Variants in BRINP1 observed in about 807,000 individuals in gnomAD.
The protein encoded by BRINP1 is BMP/retinoic acid-inducible neural-specific protein 1.
In BRINP1, 17 loss-of-function variants were observed where a neutral mutation model predicts 72.9. The ratio of observed to expected loss-of-function variants is 0.23; its 90% CI spans 0.16 to 0.35. The LOEUF is 0.35. Ranked by LOEUF, BRINP1 falls within the 10% of genes least tolerant of loss-of-function variation. The pLI, the probability that BRINP1 is intolerant of heterozygous loss-of-function variation, is 1.00. For synonymous variants in BRINP1, 418 were observed against 378.5 expected (o/e 1.10, Z -1.21); for missense variants, 850 against 1,001.6 (o/e 0.85, Z 2.04).
At chr9:119,314,227 G>T (rs899652229) in intron 1 of BRINP1, among the ~76,000 whole-genome samples, 1 of 152,264 alleles carries the variant, frequency 6.6e-6, no homozygotes, top group South Asian at 2.1e-4. Flanking sequence ...TTTATTAGGG[G>T]GTCTTATGGC....
At chr9:119,198,429 T>C (rs972976968) in intron 7 of BRINP1, among the ~76,000 whole-genome samples, 6 of 152,230 alleles carry the variant, frequency 3.9e-5, no homozygotes, top group East Asian at 3.8e-4. Flanking sequence ...CTTAATACTA[T>C]GCCAAGTACT....
intron 1 of BRINP1, among the ~76,000 whole-genome samples, chr9:119,359,344 T>C (rs963907186): frequency 6.6e-6 from 1 of 152,146 alleles, no homozygotes; most frequent in African/African-American, 2.4e-5. Flanking sequence ...TACAGGCATA[T>C]GCCACCACAT....
intron 1 of BRINP1, 70 bp from the exon 2 acceptor site, chr9:119,313,475 G>A: frequency 6.7e-6 from 9 of 1,335,830 alleles, no homozygotes; most frequent in South Asian, 1.6e-5. Flanking sequence ...GAGGGGAAGA[G>A]GAGTAAAAGA....
chr9:119,230,753 T>C (rs1306869516), intron 5 of BRINP1, among the ~76,000 whole-genome samples: 1 of 151,800 alleles, frequency 6.6e-6, no homozygotes, highest in East Asian at 1.9e-4. Context: ...AGATAAATGA[T>C]TTAAGACCAA....
intron 2 of BRINP1, among the ~76,000 whole-genome samples, chr9:119,302,829 A>C (rs933791206): frequency 6.6e-6 from 1 of 151,458 alleles, no homozygotes; most frequent in Admixed American, 6.6e-5. Context: ...CTATTACTCC[A>C]TTTTATATTT....
rs754374991 is a variant in BRINP1, at chr9:119,167,613, C to G, written c.1757G>C (p.Arg586Pro). 1 of 1,614,136 alleles carries G rather than the reference C, an allele frequency of 6.2e-7. No homozygotes were observed. The highest frequency in any genetic ancestry group is 1.1e-5 in the South Asian group (1 of 91,084). The change falls in exon 8 of 8, where the codon CGC (arginine) becomes CCC (proline). Residue 586 changes from arginine to proline, a missense_variant. Transcript: ENST00000265922. The surrounding 1 kb of genome is among the most constrained non-coding windows in gnomAD (Gnocchi z 4.3). ...GTTTTGGAGACGGATCTTCTCCCAGCGTGGGTAGCCAAATTCCCCGAAGGG... is the reference window on the plus strand; with the variant it reads ...GTTTTGGAGACGGATCTTCTCCCAGGGTGGGTAGCCAAATTCCCCGAAGGG... ...NMPFGEFGYP[R>P]WEKIRLQNSQ...
chr9:119,312,727 C>T (rs1222365842), intron 2 of BRINP1, among the ~76,000 whole-genome samples: 3 of 152,088 alleles, frequency 2.0e-5, no homozygotes, highest in Admixed American at 2.0e-4. Context: ...TATGATATAC[C>T]AGATAAACCA....
rs1207831166 is a variant in BRINP1, at chr9:119,275,317, C to A, written c.219-26167G>T. Among the ~76,000 whole-genome samples the A allele has an allele frequency of 2.0e-5, 3 of 152,138 alleles. No homozygotes were observed. In the East Asian group the frequency reaches 5.8e-4, roughly 29 times the overall value. ...TCTCTGAAGTCTTTGCTATTTTGCC[C>A]TACCTTGTACACATATATTCCCAAC... On this transcript the variant is annotated intron_variant, in intron 2 of 7. Coordinates refer to ENST00000265922, the MANE Select transcript of BRINP1 (RefSeq NM_014618.3).
At chr9:119,242,922 C>T (rs948950434) in intron 3 of BRINP1, among the ~76,000 whole-genome samples, 3 of 151,960 alleles carry the variant, frequency 2.0e-5, no homozygotes, top group Non-Finnish European at 4.4e-5. Flanking sequence ...AAAGGAAGCT[C>T]CAGGGAGCTG....
At chr9:119,275,356 T>C (rs1442278771) in intron 2 of BRINP1, among the ~76,000 whole-genome samples, 5 of 152,192 alleles carry the variant, frequency 3.3e-5, no homozygotes, top group East Asian at 1.9e-4. Context: ...CACAAGACTA[T>C]GAACTTGCAC....
At chr9:119,210,801 G>T (rs1302973916) in intron 6 of BRINP1, among the ~76,000 whole-genome samples, 1 of 152,198 alleles carries the variant, frequency 6.6e-6, no homozygotes, top group African/African-American at 2.4e-5. Context: ...CAAGGCGTCA[G>T]TTTCCCCATC....
At chr9:119,325,026 G>T (rs1413994358) in intron 1 of BRINP1, among the ~76,000 whole-genome samples, 5 of 151,930 alleles carry the variant, frequency 3.3e-5, no homozygotes, top group Non-Finnish European at 7.4e-5. Context: ...CTTGAACCAG[G>T]GAGGCGAAAG....
At chr9:119,344,133 T>C (rs1831429768) in intron 1 of BRINP1, among the ~76,000 whole-genome samples, 1 of 152,174 alleles carries the variant, frequency 6.6e-6, no homozygotes. Flanking sequence ...TTCTTTTTGT[T>C]TCCCTAAGTA....
At chr9:119,193,623 T>G (rs1829704340) in intron 7 of BRINP1, among the ~76,000 whole-genome samples, 1 of 152,226 alleles carries the variant, frequency 6.6e-6, no homozygotes, top group African/African-American at 2.4e-5. Context: ...GTAACCATTT[T>G]GCTGTCCATA....
intron 2 of BRINP1, among the ~76,000 whole-genome samples, chr9:119,287,052 G>C (rs538577771): frequency 7.0e-6 from 1 of 143,276 alleles, no homozygotes; most frequent in African/African-American, 2.7e-5. Flanking sequence ...ATTTGAGATA[G>C]AAGGAAAGAA....
intron 2 of BRINP1, among the ~76,000 whole-genome samples, chr9:119,302,869 G>A (rs769806287): frequency 2.0e-5 from 3 of 151,382 alleles, no homozygotes; most frequent in Non-Finnish European, 4.4e-5. Context: ...ACTAGGGGTC[G>A]ATTTGGCTGC....
chr9:119,230,461 A>G (rs555295725), intron 5 of BRINP1, among the ~76,000 whole-genome samples: 25 of 151,950 alleles, frequency 1.6e-4, no homozygotes, highest in Non-Finnish European at 3.2e-4. Flanking sequence ...TGATCTGGGG[A>G]AGGGAGAGAT....
chr9:119,241,049 G>T (rs1019122360), intron 4 of BRINP1, among the ~76,000 whole-genome samples: 3 of 152,216 alleles, frequency 2.0e-5, no homozygotes, highest in African/African-American at 7.2e-5. Context: ...GTCTGAATTT[G>T]TTGTGTTTAA....
intron 1 of BRINP1, among the ~76,000 whole-genome samples, chr9:119,363,633 T>TTAA (rs1166196667): frequency 2.0e-5 from 3 of 152,248 alleles, no homozygotes; most frequent in Non-Finnish European, 4.4e-5. Context: ...TGTTTACTCA[T>TTAA]TGATTATTCA....
Sources: allele counts gnomAD v4.1 joint callset (sites outside exome capture counted in the v4.1 genomes callset), GRCh38; gene constraint gnomAD v4.1.1; non-coding constraint Gnocchi (gnomAD v3.1); transcripts MANE v1.5; gene names NCBI Gene and HGNC (gene_info 2026-07-23, HGNC 2026-07-21).